Variants in ADCK1 observed in about 807,000 individuals in gnomAD.
ADCK1 encodes aarF domain containing kinase 1, also known as aarF domain-containing protein kinase 1.
In ADCK1, 41 loss-of-function variants were observed where a neutral mutation model predicts 52.3. The observed-to-expected ratio is 0.78, with a 90% CI of 0.61 to 1.02. The LOEUF is 1.02. Ranked by LOEUF, ADCK1 falls within the 50% of genes least tolerant of loss-of-function variation. ADCK1 has a pLI of 0.00. For missense variants in ADCK1, 658 were observed against 679.5 expected (o/e 0.97, Z 0.35); for synonymous variants, 250 against 274.6 (o/e 0.91, Z 0.89).
chr14:77,925,671 C>A (rs549179203), intron 8 of ADCK1, 93 bp from the exon 9 acceptor site: 1 of 1,273,722 alleles, frequency 7.9e-7, no homozygotes, highest in Non-Finnish European at 1.1e-6. Context: ...CAGTCCTCAC[C>A]GTCGTCTTTT....
At chr14:77,867,510 T>C (rs558899090) in intron 4 of ADCK1, among the ~76,000 whole-genome samples, 12 of 152,348 alleles carry the variant, frequency 7.9e-5, no homozygotes, top group African/African-American at 2.4e-4. Flanking sequence ...CAAAAGAAGA[T>C]TTTTATCAAT....
At chr14:77,819,756 A>T (rs970418593) in intron 2 of ADCK1, among the ~76,000 whole-genome samples, 1 of 152,236 alleles carries the variant, frequency 6.6e-6, no homozygotes. Context: ...GAATTGTCCC[A>T]TTGGTGGGTA....
At chr14:77,806,593 T>C (rs1047611470) in intron 1 of ADCK1, among the ~76,000 whole-genome samples, 1 of 152,194 alleles carries the variant, frequency 6.6e-6, no homozygotes, top group African/African-American at 2.4e-5. Flanking sequence ...TTCTTCTTTA[T>C]CCTGCTGGAC....
At chr14:77,841,093 G>A (rs1359642147) in intron 3 of ADCK1, among the ~76,000 whole-genome samples, 1 of 152,172 alleles carries the variant, frequency 6.6e-6, no homozygotes. Context: ...TGACTGCAGG[G>A]CATTAAACCA....
intron 4 of ADCK1, among the ~76,000 whole-genome samples, chr14:77,867,887 G>A (rs2082696404): frequency 6.6e-6 from 1 of 152,234 alleles, no homozygotes; most frequent in Non-Finnish European, 1.5e-5. Context: ...GAATAGGGCT[G>A]TGGTGAGGAA....
At chr14:77,821,979 T>C (rs998333244) in intron 2 of ADCK1, among the ~76,000 whole-genome samples, 7 of 151,594 alleles carry the variant, frequency 4.6e-5, no homozygotes, top group African/African-American at 1.7e-4. Context: ...GTGGGCTAAG[T>C]TTATGTAACA....
intron 5 of ADCK1, among the ~76,000 whole-genome samples, chr14:77,888,989 G>T (rs536680535): frequency 2.0e-5 from 3 of 152,264 alleles, no homozygotes; most frequent in Non-Finnish European, 2.9e-5. Flanking sequence ...ATTCATGGAG[G>T]CATGTCTTTC....
At chr14:77,822,351 A>T in intron 2 of ADCK1, 84 bp from the exon 3 acceptor site, 1 of 1,081,266 alleles carries the variant, frequency 9.2e-7, no homozygotes, top group Non-Finnish European at 1.4e-6. Flanking sequence ...CAGCTGTGTC[A>T]GGGACCTGTA....
At chr14:77,927,064 C>A (rs9888620) in intron 9 of ADCK1, among the ~76,000 whole-genome samples, 2 of 151,976 alleles carry the variant, frequency 1.3e-5, no homozygotes, top group African/African-American at 2.4e-5. Flanking sequence ...TCCAGCGCCT[C>A]GTCTTCCTTA....
Position 77,894,736 on chromosome 14 carries a change from G to GTTTTTTTTTTTTTTTTTTTTTTTTTTT in ADCK1, c.583-4362_583-4336dup. On this transcript the variant is annotated intron_variant, in intron 5 of 10. Coordinates refer to ENST00000238561, the MANE Select transcript of ADCK1 (RefSeq NM_020421.4). ...TTATTTCTTTTTCTTTTCTTTTCTT[G>GTTTTTTTTTTTTTTTTTTTTTTTTTTT]TTTTTTTTTTTTTTTTTTTTTTTTT... Among the ~76,000 whole-genome samples, 38 of 36,476 alleles carry GTTTTTTTTTTTTTTTTTTTTTTTTTTT rather than the reference G, an allele frequency of 1.0e-3. 8 individuals are homozygous for GTTTTTTTTTTTTTTTTTTTTTTTTTTT. Among genetic ancestry groups the GTTTTTTTTTTTTTTTTTTTTTTTTTTT allele is most frequent in the Non-Finnish European group, 1.6e-3 (27 of 16,928 alleles). 23.9% of individuals were successfully genotyped at this position (36,476 alleles called of 152,430 possible).
intron 1 of ADCK1, among the ~76,000 whole-genome samples, chr14:77,808,655 A>C (rs898507782): frequency 1.3e-5 from 2 of 152,186 alleles, no homozygotes; most frequent in Non-Finnish European, 2.9e-5. Flanking sequence ...AGCTCACTGC[A>C]ACCTCTGCCT....
At chr14:77,864,726 CTGAT>C (rs1345509624) in intron 4 of ADCK1, among the ~76,000 whole-genome samples, 2 of 151,250 alleles carry the variant, frequency 1.3e-5, no homozygotes, top group Non-Finnish European at 2.9e-5. Context: ...GAGAGAGAGA[CTGAT>C]TGATGTTAAG....
At chr14:77,843,759 T>C (rs741574) in intron 3 of ADCK1, among the ~76,000 whole-genome samples, 55,480 of 152,164 alleles carry the variant, frequency 0.36, 11,270 homozygotes, top group Admixed American at 0.5. Context: ...TAAATCATTA[T>C]TGATGCTTGT....
At chr14:77,830,698 GT>G (rs2081829292) in intron 3 of ADCK1, among the ~76,000 whole-genome samples, 1 of 141,414 alleles carries the variant, frequency 7.1e-6, no homozygotes, top group African/African-American at 2.5e-5. Context: ...ATGTTTATAT[GT>G]GTCTGTGTGC....
chr14:77,900,070 C>CA (rs751907850), intron 6 of ADCK1, among the ~76,000 whole-genome samples: 10,438 of 66,810 alleles, frequency 0.16, 482 homozygotes, highest in South Asian at 0.26. Context: ...AACTCCGTCT[C>CA]AAAAAAAAAA....
chr14:77,852,207 T>C (rs948547395), intron 3 of ADCK1, among the ~76,000 whole-genome samples: 9 of 151,994 alleles, frequency 5.9e-5, no homozygotes, highest in African/African-American at 2.2e-4. Context: ...CCTTATTGTC[T>C]AGGCTGGTCT....
intron 1 of ADCK1, among the ~76,000 whole-genome samples, chr14:77,813,142 A>G (rs776021189): frequency 2.0e-5 from 3 of 151,218 alleles, no homozygotes; most frequent in Admixed American, 6.6e-5. Flanking sequence ...AGCTGGGATT[A>G]TAGGCATGCG....
Position 77,810,531 on chromosome 14 carries a change from CT to C in ADCK1, c.-11-8420del, listed in dbSNP as rs1185694274. ...ACTCAAGGTGTTCAGAGGCTGGGTTCTTTTTTTTTTTTTTTTTGAGACGGAG... is the reference window on the plus strand; with the variant it reads ...ACTCAAGGTGTTCAGAGGCTGGGTTCTTTTTTTTTTTTTTTTGAGACGGAG... On this transcript the variant is annotated intron_variant, in intron 1 of 10. Coordinates refer to ENST00000238561, the MANE Select transcript of ADCK1 (RefSeq NM_020421.4). 2.8e-3 allele frequency among the ~76,000 whole-genome samples: 379 copies of C among 135,722 alleles called. 1 individual carries two copies. Among genetic ancestry groups the C allele is most frequent in the African/African-American group, 4.7e-3 (174 of 36,772 alleles). The allele number at this position is 135,722 out of a possible 152,430, so 89.0% of individuals were successfully genotyped here.
chr14:77,916,177 G>A (rs971048702), intron 7 of ADCK1, among the ~76,000 whole-genome samples: 9 of 152,164 alleles, frequency 5.9e-5, no homozygotes, highest in Admixed American at 5.2e-4. Flanking sequence ...GATGCCAGAT[G>A]TCTCTGCTTT....
Sources: allele counts gnomAD v4.1 joint callset (sites outside exome capture counted in the v4.1 genomes callset), GRCh38; gene constraint gnomAD v4.1.1; transcripts MANE v1.5; gene names NCBI Gene and HGNC (gene_info 2026-07-23, HGNC 2026-07-21).